The following QRSL1 variants were observed in gnomAD, a reference collection of about 807,000 sequenced individuals.
QRSL1 encodes the protein glutamyl-tRNA(Gln) amidotransferase subunit A, mitochondrial.
QRSL1 carries 54 observed loss-of-function variants against 61.6 expected under a neutral mutation model. The observed-to-expected ratio is 0.88, with a 90% CI of 0.70 to 1.10. The LOEUF (loss-of-function observed/expected upper bound fraction) is 1.10. QRSL1 is among the 50% of genes least tolerant of loss of function. The pLI is 0.00. For synonymous variants in QRSL1, 228 were observed against 225.7 expected, an observed-to-expected ratio of 1.01 and a Z score of -0.09; for missense variants, 505 against 622.6, an observed-to-expected ratio of 0.81 and a Z score of 2.01.
chr6:106,658,379 A>G (rs1428596497), intron 9 of QRSL1, among the ~76,000 whole-genome samples: 4 of 151,960 alleles, frequency 2.6e-5, no homozygotes, highest in Non-Finnish European at 4.4e-5. Context: ...TTTGAAAGAT[A>G]TTTTCTCTGG....
chr6:106,638,289 T>C (rs774362665), intron 1 of QRSL1, among the ~76,000 whole-genome samples: 7 of 143,784 alleles, frequency 4.9e-5, no homozygotes, highest in Non-Finnish European at 9.1e-5. Context: ...TTCTTTCTTC[T>C]AGAGGGTTTA....
In QRSL1 at chr6:106,654,712, T is replaced by A; in HGVS notation, c.850-18T>A. On this transcript the variant is annotated intron_variant, in intron 7 of 10. Transcript: ENST00000369046. ...ATCTATACAGTTCCAATTTTGTATCTTGACTTTTTGCTATAAGGAATATCT... is the reference window on the plus strand; with the variant it reads ...ATCTATACAGTTCCAATTTTGTATCATGACTTTTTGCTATAAGGAATATCT... The A allele has an allele frequency of 6.3e-7, 1 of 1,592,202 alleles. No homozygotes were observed.
chr6:106,630,901 T>C (rs1466409119), intron 1 of QRSL1, among the ~76,000 whole-genome samples: 2 of 152,240 alleles, frequency 1.3e-5, no homozygotes, highest in Admixed American at 1.3e-4. Flanking sequence ...TATGTTATCA[T>C]TTTAAATTGC....
At chr6:106,640,942 G>A (rs775069601) in intron 3 of QRSL1, 21 bp downstream of exon 3, 16 of 1,543,656 alleles carry the variant, frequency 1.0e-5, no homozygotes, top group Admixed American at 1.7e-5. Flanking sequence ...ACTGATCAGA[G>A]CATTGATAAT....
chr6:106,653,547 G>GC (rs1777217719), intron 7 of QRSL1: 2 of 152,178 alleles, frequency 1.3e-5, no homozygotes, highest in African/African-American at 4.8e-5. Context: ...ATATATGTAA[G>GC]GCCAGGTGCG....
intron 3 of QRSL1, among the ~76,000 whole-genome samples, chr6:106,641,178 A>G (rs965019449): frequency 2.0e-5 from 3 of 152,190 alleles, no homozygotes; most frequent in Admixed American, 1.3e-4. Context: ...TTCAATAACT[A>G]ATTACCAACT....
Position 106,666,032 on chromosome 6 carries a change from G to A in QRSL1, c.*30G>A. On this transcript the variant is annotated 3_prime_UTR_variant, in exon 11 of 11. Coordinates refer to ENST00000369046, the MANE Select transcript of QRSL1 (RefSeq NM_018292.5). Reference sequence around the variant, plus strand: ...ATCTTACAAATTAAAATGACTTTTAGGCTGGGTGCAGTGGCTCACACCTGT... The same window carrying A: ...ATCTTACAAATTAAAATGACTTTTAAGCTGGGTGCAGTGGCTCACACCTGT... 3 of 1,593,388 alleles carry A rather than the reference G, an allele frequency of 1.9e-6. No individual in the cohort carries two copies. In the South Asian group the frequency reaches 3.3e-5, roughly 18 times the overall value.
chr6:106,643,428 G>A (rs551979165), intron 4 of QRSL1, among the ~76,000 whole-genome samples: 5 of 151,980 alleles, frequency 3.3e-5, no homozygotes, highest in African/African-American at 4.8e-5. Flanking sequence ...GACTGTAATC[G>A]CAGCACTTTG....
At chr6:106,663,710 A>T (rs1264682399) in intron 10 of QRSL1, among the ~76,000 whole-genome samples, 10 of 152,202 alleles carry the variant, frequency 6.6e-5, no homozygotes, top group Non-Finnish European at 1.0e-4. Flanking sequence ...TTACAATTCA[A>T]CATGAGATTT....
intron 1 of QRSL1, among the ~76,000 whole-genome samples, chr6:106,639,670 C>T (rs1776986796): frequency 6.6e-6 from 1 of 152,038 alleles, no homozygotes; most frequent in Non-Finnish European, 1.5e-5. Flanking sequence ...AAATATTAGA[C>T]ACTCATCACT....
At chr6:106,639,774 G>C (rs978292762) in intron 1 of QRSL1, among the ~76,000 whole-genome samples, 2 of 151,844 alleles carry the variant, frequency 1.3e-5, no homozygotes, top group African/African-American at 4.8e-5. Flanking sequence ...TTCTTTACCA[G>C]CCTTCCCAAT....
At chr6:106,664,374 TCTTC>T (rs1477999191) in intron 10 of QRSL1, among the ~76,000 whole-genome samples, 1 of 152,244 alleles carries the variant, frequency 6.6e-6, no homozygotes, top group Admixed American at 6.5e-5. Context: ...CTGTGTTCAT[TCTTC>T]CTTCCTGAAG....
At position 106,640,391 on chromosome 6, in the gene QRSL1, C is replaced by T. The variant is rs1776999212; in HGVS notation, c.67C>T (p.Leu23Phe). The change falls in exon 2 of 11, where the codon CTC (leucine) becomes TTC (phenylalanine). Residue 23 changes from leucine to phenylalanine, a missense_variant. Leu to Phe is a conservative substitution (Grantham distance 22). Transcript: ENST00000369046. ...LKQGQITPTE[L>F]CQKCLSLIKK... ...ACAAGGCCAAATTACACCAACAGAG[C>T]TCTGTCAAAAATGTCTCTCTCTTAT... 2 of 1,613,002 alleles carry T rather than the reference C, an allele frequency of 1.2e-6. No homozygotes were observed. The highest frequency in any genetic ancestry group is 3.3e-5 in the Admixed American group (2 of 59,938).
At chr6:106,655,283 T>C (rs570671522) in intron 8 of QRSL1, among the ~76,000 whole-genome samples, 1 of 152,222 alleles carries the variant, frequency 6.6e-6, no homozygotes, top group African/African-American at 2.4e-5. Context: ...GACCAGTCCA[T>C]CAGTCAAAAG....
chr6:106,652,839 G>T, intron 7 of QRSL1: 1 of 1,247,008 alleles, frequency 8.0e-7, no homozygotes, highest in South Asian at 1.6e-5. Flanking sequence ...TCTGTAATGG[G>T]CAAGATAGCA....
At chr6:106,657,891 GATGGGGTTTCACCAT>G (rs1777295533) in intron 9 of QRSL1, among the ~76,000 whole-genome samples, 2 of 152,114 alleles carry the variant, frequency 1.3e-5, no homozygotes, top group Non-Finnish European at 2.9e-5. Context: ...TTTTAGTAGA[GATGGGGTTTCACCAT>G]ATTGGCCAGG....
rs144749289 is a variant in QRSL1 at position 106,661,314 on chromosome 6, A to C, written c.1161-1666A>C. On this transcript the variant is annotated intron_variant, in intron 9 of 10. Coordinates refer to ENST00000369046, the MANE Select transcript of QRSL1 (RefSeq NM_018292.5). ...GTATTTTTAGTAGAGTCAGGATTTC[A>C]CCATGTTGGTCAAGCTGGTCTCGAA... Among the ~76,000 whole-genome samples the C allele has an allele frequency of 5.0e-3, 760 of 151,986 alleles. 8 individuals carry two copies. The highest frequency in any genetic ancestry group is 0.018 in the African/African-American group (727 of 41,446).
intron 5 of QRSL1, among the ~76,000 whole-genome samples, 157 bp downstream of exon 5, chr6:106,649,358 C>T (rs1777161683): frequency 6.6e-6 from 1 of 152,092 alleles, no homozygotes; most frequent in Non-Finnish European, 1.5e-5. Flanking sequence ...GAGTTGCACT[C>T]AACTGTACAG....
At chr6:106,653,592 G>A (rs1455336051) in intron 7 of QRSL1, 1 of 152,242 alleles carries the variant, frequency 6.6e-6, no homozygotes, top group Non-Finnish European at 1.5e-5. Context: ...GGAAGCCAAG[G>A]CAGGAGGATC....
Sources: gnomAD v4.1 joint callset for allele counts (sites outside exome capture counted in the v4.1 genomes callset) on GRCh38, gnomAD v4.1.1 for gene constraint, MANE v1.5 for transcripts, NCBI Gene and HGNC (gene_info 2026-07-23, HGNC 2026-07-21) for gene names.